The following ARL15 variants were observed in gnomAD, a reference collection of about 807,000 sequenced individuals.
The protein encoded by ARL15 is ARF like GTPase 15.
A neutral mutation model predicts 25.2 loss-of-function variants in ARL15; 19 were observed. The ratio of observed to expected loss-of-function variants is 0.75; its 90% CI spans 0.53 to 1.10. The LOEUF is 1.10. Among genes scored for constraint, ARL15 ranks in the 50% least tolerant of loss-of-function variants. ARL15 has a pLI of 0.00. For missense variants in ARL15, 220 were observed against 246.0 expected (o/e 0.89, Z 0.71); for synonymous variants, 94 against 86.8 (o/e 1.08, Z -0.46).
At chr5:53,913,033 C>T (rs941983761) in intron 4 of ARL15, among the ~76,000 whole-genome samples, 4 of 152,212 alleles carry the variant, frequency 2.6e-5, no homozygotes, top group African/African-American at 9.6e-5. Flanking sequence ...GGCATGCTGG[C>T]TCACGCCTGT....
chr5:54,281,249 C>T (rs1166439034), intron 1 of ARL15, among the ~76,000 whole-genome samples: 1 of 152,086 alleles, frequency 6.6e-6, no homozygotes, highest in African/African-American at 2.4e-5. Context: ...AAGCGATTCT[C>T]CTGCCTCAGC....
At chr5:54,044,049 C>T (rs1416677956) in intron 4 of ARL15, among the ~76,000 whole-genome samples, 2 of 151,980 alleles carry the variant, frequency 1.3e-5, no homozygotes, top group African/African-American at 2.4e-5. Context: ...ACTCCTATTG[C>T]ATCATGACTA....
intron 1 of ARL15, among the ~76,000 whole-genome samples, chr5:54,198,323 G>C (rs1274417702): frequency 6.6e-6 from 1 of 152,244 alleles, no homozygotes; most frequent in East Asian, 1.9e-4. Flanking sequence ...AGGAAATAAA[G>C]GGTATTCAAT....
At chr5:54,030,730 G>A (rs1749953896) in intron 4 of ARL15, among the ~76,000 whole-genome samples, 1 of 152,182 alleles carries the variant, frequency 6.6e-6, no homozygotes, top group South Asian at 2.1e-4. Flanking sequence ...GGGTTTGATG[G>A]GTTTCAGCAG....
chr5:54,113,550 A>C (rs1325927095), intron 3 of ARL15, 140 bp from the exon 4 acceptor site: 2 of 797,072 alleles, frequency 2.5e-6, no homozygotes, highest in African/African-American at 3.5e-5. Context: ...TAAAACAGGA[A>C]TTTAGAAAAG....
At chr5:54,004,417 C>T (rs1748950337) in intron 4 of ARL15, among the ~76,000 whole-genome samples, 2 of 150,874 alleles carry the variant, frequency 1.3e-5, no homozygotes, top group Non-Finnish European at 2.9e-5. Context: ...CGCTTGAACC[C>T]GGGAGGTGGA....
intron 4 of ARL15, chr5:53,951,730 T>A (rs1448240862): frequency 6.5e-6 from 2 of 306,004 alleles, no homozygotes; most frequent in African/African-American, 4.7e-5. Context: ...AAATTATAGT[T>A]TTTCCATGAA....
Position 54,163,587 on chromosome 5 carries a change from G to A in ARL15, c.193+8197C>T, listed in dbSNP as rs185224172. On this transcript the variant is annotated intron_variant, in intron 2 of 4. Coordinates refer to ENST00000504924, the MANE Select transcript of ARL15 (RefSeq NM_019087.3). Reference sequence around the variant, plus strand: ...AGAAAAGGTATCAATTTCTTAAACAGATATAGGTCTATCCAGGTTTTCTAT... The same window carrying A: ...AGAAAAGGTATCAATTTCTTAAACAAATATAGGTCTATCCAGGTTTTCTAT... Among the ~76,000 whole-genome samples, 227 of 151,770 alleles carry A rather than the reference G, an allele frequency of 1.5e-3. 2 individuals carry two copies. Among genetic ancestry groups the A allele is most frequent in the Admixed American group, 7.9e-3 (121 of 15,226 alleles).
intron 1 of ARL15, among the ~76,000 whole-genome samples, chr5:54,181,249 T>C (rs1042826279): frequency 9.2e-5 from 14 of 152,178 alleles, no homozygotes; most frequent in African/African-American, 3.4e-4. Context: ...AATTCTTACA[T>C]TGTAATGGCT....
chr5:54,066,788 C>T (rs914914394), intron 4 of ARL15, among the ~76,000 whole-genome samples: 44 of 152,106 alleles, frequency 2.9e-4, no homozygotes, highest in African/African-American at 1.1e-3. Flanking sequence ...CTACTTTCCA[C>T]ATTCGATAAT....
chr5:54,310,307 G>T, intron 1 of ARL15, 125 bp downstream of exon 1: 10 of 1,115,962 alleles, frequency 9.0e-6, no homozygotes, highest in Non-Finnish European at 1.3e-5. Context: ...GCCGGCTGCG[G>T]GAGAAAGAAC....
intron 4 of ARL15, among the ~76,000 whole-genome samples, chr5:53,899,928 C>T (rs1478947189): frequency 1.3e-5 from 2 of 152,130 alleles, no homozygotes; most frequent in Non-Finnish European, 2.9e-5. Context: ...TTATCCAATT[C>T]TACATTGCGG....
chr5:53,990,248 T>TA (rs11349650), intron 4 of ARL15, among the ~76,000 whole-genome samples: 1 of 150,556 alleles, frequency 6.6e-6, no homozygotes, highest in African/African-American at 2.5e-5. Flanking sequence ...AAAAAATAGT[T>TA]AAAAAAAAAC....
intron 4 of ARL15, among the ~76,000 whole-genome samples, chr5:54,108,092 A>G (rs1366464214): frequency 2.6e-5 from 4 of 152,180 alleles, no homozygotes; most frequent in Admixed American, 2.6e-4. Context: ...TTACAGCTTA[A>G]AAGTTGCTCT....
At chr5:54,077,460 C>G (rs1751646540) in intron 4 of ARL15, among the ~76,000 whole-genome samples, 1 of 152,054 alleles carries the variant, frequency 6.6e-6, no homozygotes, top group African/African-American at 2.4e-5. Flanking sequence ...AGACACTGAG[C>G]CATAAATGTA....
intron 4 of ARL15, chr5:54,048,206 A>C (rs1458660485): frequency 2.6e-5 from 4 of 151,976 alleles, no homozygotes; most frequent in Admixed American, 1.3e-4. Context: ...GCAAACACCC[A>C]ATGTGCATGA....
At chr5:54,200,345 A>AAAAT (rs1426065794) in intron 1 of ARL15, among the ~76,000 whole-genome samples, 1 of 151,048 alleles carries the variant, frequency 6.6e-6, no homozygotes, top group Admixed American at 6.6e-5. Context: ...AAAAAATTTA[A>AAAAT]AAATAAATAA....
intron 1 of ARL15, among the ~76,000 whole-genome samples, chr5:54,308,602 G>A (rs532507472): frequency 6.6e-6 from 1 of 152,306 alleles, no homozygotes; most frequent in South Asian, 2.1e-4. Context: ...TTGACACAAA[G>A]CTGTTAGTAA....
intron 4 of ARL15, among the ~76,000 whole-genome samples, chr5:53,968,554 G>A (rs985684038): frequency 2.6e-5 from 4 of 152,138 alleles, no homozygotes; most frequent in African/African-American, 9.7e-5. Flanking sequence ...AAAGTAGCCA[G>A]AAAGTAATAT....
Sources: allele counts gnomAD v4.1 joint callset (sites outside exome capture counted in the v4.1 genomes callset), GRCh38; gene constraint gnomAD v4.1.1; transcripts MANE v1.5; gene names NCBI Gene and HGNC (gene_info 2026-07-23, HGNC 2026-07-21).